Variants in CSMD1 observed in about 807,000 individuals in gnomAD.
The protein encoded by CSMD1 is CUB and sushi domain-containing protein 1.
CSMD1 carries 213 observed loss-of-function variants against 417.5 expected under a neutral mutation model. That is an observed-to-expected ratio of 0.51 (90% CI 0.46 to 0.57). The LOEUF (loss-of-function observed/expected upper bound fraction) is 0.57. Ranked by LOEUF, CSMD1 falls within the 20% of genes least tolerant of loss-of-function variation. CSMD1 has a pLI of 0.00. For missense variants in CSMD1, 6,923 were observed against 4,529.7 expected, an observed-to-expected ratio of 1.53 and a Z score of -15.17; for synonymous variants, 2,862 against 1,736.8, an observed-to-expected ratio of 1.65 and a Z score of -16.11.
intron 23 of CSMD1, among the ~76,000 whole-genome samples, chr8:3,335,147 A>G (rs752140667): frequency 6.6e-6 from 1 of 152,058 alleles, no homozygotes; most frequent in Non-Finnish European, 1.5e-5. Context: ...ATCCTACACC[A>G]CTATGTTTCT....
At chr8:3,869,942 G>C (rs1419566180) in intron 5 of CSMD1, among the ~76,000 whole-genome samples, 3 of 152,114 alleles carry the variant, frequency 2.0e-5, no homozygotes, top group Admixed American at 6.6e-5. Context: ...AAGAGAGTGA[G>C]CTAGCTATAT....
chr8:4,080,233 C>A (rs148199665), intron 3 of CSMD1, among the ~76,000 whole-genome samples: 1 of 152,202 alleles, frequency 6.6e-6, no homozygotes, highest in Non-Finnish European at 1.5e-5. Flanking sequence ...TCCTTAAAAC[C>A]CATCATCACT....
chr8:4,460,604 A>C (rs910981299), intron 2 of CSMD1, among the ~76,000 whole-genome samples: 10 of 150,266 alleles, frequency 6.7e-5, no homozygotes, highest in African/African-American at 2.3e-4. Context: ...AAATTACTAA[A>C]ATGGGGGAAA....
intron 2 of CSMD1, among the ~76,000 whole-genome samples, chr8:4,505,073 G>T (rs964971695): frequency 2.0e-5 from 3 of 152,138 alleles, no homozygotes; most frequent in Non-Finnish European, 2.9e-5. Context: ...TTCCACAATG[G>T]TTGAACTAAT....
rs1398755984 is a variant in CSMD1, at chr8:3,625,682, AT to A, written c.1010-8886del. On this transcript the variant is annotated intron_variant, in intron 7 of 69. Transcript: ENST00000635120. ...AAAATAACTCTATTGTACATAAAAA[AT>A]AAAACGATTTGGCATTCCTAAAATT... 3.3e-5 allele frequency among the ~76,000 whole-genome samples: 5 copies of A among 152,212 alleles called. No homozygotes were observed. The East Asian group carries it at 9.6e-4, about 29-fold the overall frequency.
chr8:4,033,241 C>T (rs990634721), intron 3 of CSMD1, among the ~76,000 whole-genome samples: 1 of 150,938 alleles, frequency 6.6e-6, no homozygotes. Flanking sequence ...GAGATCGAGA[C>T]CATCCTGGCT....
chr8:4,042,333 G>C (rs924739721), intron 3 of CSMD1, among the ~76,000 whole-genome samples: 1 of 152,080 alleles, frequency 6.6e-6, no homozygotes, highest in African/African-American at 2.4e-5. Context: ...AAAGATAAAG[G>C]GGCCAGGTGA....
chr8:4,113,814 C>A (rs1045411371), intron 3 of CSMD1, among the ~76,000 whole-genome samples: 1 of 152,172 alleles, frequency 6.6e-6, no homozygotes, highest in African/African-American at 2.4e-5. Flanking sequence ...CTACAACATT[C>A]CCTTAAACCA....
At chr8:3,183,198 C>T (rs1821530577) in intron 36 of CSMD1, 1 of 87,596 alleles carries the variant, frequency 1.1e-5, no homozygotes, top group African/African-American at 3.6e-5. Context: ...TCTATCTATC[C>T]CTGAAATATC....
chr8:3,971,098 G>C (rs977147007), intron 5 of CSMD1, among the ~76,000 whole-genome samples: 2 of 152,286 alleles, frequency 1.3e-5, no homozygotes, highest in Non-Finnish European at 2.9e-5. Flanking sequence ...TGATGACATA[G>C]AACCATGTGA....
At chr8:3,404,291 C>T (rs1341342725) in intron 15 of CSMD1, among the ~76,000 whole-genome samples, 3 of 149,726 alleles carry the variant, frequency 2.0e-5, no homozygotes, top group Non-Finnish European at 4.4e-5. Flanking sequence ...GCTGAGATTG[C>T]ACCACTGCAC....
chr8:4,029,960 A>G (rs1797257265), intron 4 of CSMD1, among the ~76,000 whole-genome samples: 1 of 152,182 alleles, frequency 6.6e-6, no homozygotes, highest in African/African-American at 2.4e-5. Flanking sequence ...CAAATCTTAA[A>G]GCTCCAAAAT....
At chr8:4,033,129 T>TG (rs1235844465) in intron 3 of CSMD1, among the ~76,000 whole-genome samples, 5 of 35,906 alleles carry the variant, frequency 1.4e-4, no homozygotes, top group South Asian at 7.0e-4. Flanking sequence ...ATTTCCAATA[T>TG]GAAAAAAAAA....
At chr8:4,445,380 C>CA (rs760858943) in intron 2 of CSMD1, among the ~76,000 whole-genome samples, 2 of 152,128 alleles carry the variant, frequency 1.3e-5, no homozygotes, top group Non-Finnish European at 2.9e-5. Flanking sequence ...TTGAGGAGCT[C>CA]AACAAATTCT....
intron 2 of CSMD1, among the ~76,000 whole-genome samples, chr8:4,587,377 G>T (rs79703753): frequency 0.08 from 12,177 of 151,618 alleles, 1,123 homozygotes; most frequent in African/African-American, 0.23. Flanking sequence ...TGATATATAT[G>T]TATATGTACA....
chr8:3,022,348 C>T (rs1306042366), intron 51 of CSMD1, among the ~76,000 whole-genome samples: 1 of 151,752 alleles, frequency 6.6e-6, no homozygotes, highest in Non-Finnish European at 1.5e-5. Flanking sequence ...CCGGAATGCA[C>T]CCGCAATCCC....
Position 3,772,457 on chromosome 8 carries a change from A to T in CSMD1, c.819-18415T>A, listed in dbSNP as rs1262576241. On this transcript the variant is annotated intron_variant, in intron 5 of 69. Transcript: ENST00000635120. Reference sequence around the variant, plus strand: ...CATACATTTATATATACACATATATATACATATATACACATATATATACAT... The same window carrying T: ...CATACATTTATATATACACATATATTTACATATATACACATATATATACAT... Among the ~76,000 whole-genome samples, 11 of 81,870 alleles carry T rather than the reference A, an allele frequency of 1.3e-4. 1 individual carries two copies. Among genetic ancestry groups the T allele is most frequent in the Admixed American group, 2.5e-4 (2 of 7,972 alleles). The allele number at this position is 81,870 out of a possible 152,430, so 53.7% of individuals were successfully genotyped here.
In CSMD1 at chr8:2,985,980, G is replaced by C. The variant is rs183782802; in HGVS notation, c.8378-7180C>G. Among the ~76,000 whole-genome samples the C allele has an allele frequency of 1.6e-3, 233 of 143,998 alleles. 1 individual carries two copies. The highest frequency in any genetic ancestry group is 6.1e-3 in the African/African-American group (222 of 36,596). The allele number at this position is 143,998 out of a possible 152,430, so 94.5% of individuals were successfully genotyped here. A position where few individuals can be genotyped will look rare whatever the true frequency, so the allele number is the denominator to read the frequency against. ...AGGGGAAGGGGAAGGGGAAGGGAAA[G>C]GGGAAGGGAAAGGGGAAGCGGAAGG... On this transcript the variant is annotated intron_variant, in intron 54 of 69. Coordinates refer to ENST00000635120, the MANE Select transcript of CSMD1 (RefSeq NM_033225.6).
chr8:4,007,535 G>A (rs1816219228), intron 4 of CSMD1, among the ~76,000 whole-genome samples: 1 of 152,050 alleles, frequency 6.6e-6, no homozygotes, highest in Admixed American at 6.6e-5. Context: ...CACCTAGATT[G>A]CTTCCCACCT....
Sources: gnomAD v4.1 joint callset for allele counts (sites outside exome capture counted in the v4.1 genomes callset) on GRCh38, gnomAD v4.1.1 for gene constraint, MANE v1.5 for transcripts, NCBI Gene and HGNC (gene_info 2026-07-23, HGNC 2026-07-21) for gene names.